The following AMBRA1 variants were observed in gnomAD, a reference collection of about 807,000 sequenced individuals.
The protein encoded by AMBRA1 is autophagy and beclin 1 regulator 1.
AMBRA1 carries 47 observed loss-of-function variants against 125.4 expected under a neutral mutation model. The observed-to-expected ratio is 0.37, with a 90% CI of 0.30 to 0.48. AMBRA1 has a LOEUF of 0.48. Among genes scored for constraint, AMBRA1 ranks in the 20% least tolerant of loss-of-function variants. The pLI is 0.99. For synonymous variants in AMBRA1, 626 were observed against 655.5 expected (o/e 0.95, Z 0.69); for missense variants, 1,331 against 1,693.4 (o/e 0.79, Z 3.76).
intron 12 of AMBRA1, among the ~76,000 whole-genome samples, chr11:46,441,126 C>T (rs964890635): frequency 6.6e-6 from 1 of 152,112 alleles, no homozygotes; most frequent in Admixed American, 6.6e-5. Flanking sequence ...AGGACTAAAA[C>T]AAAGTTCAAA....
At chr11:46,454,607 C>T (rs1470244339) in intron 11 of AMBRA1, among the ~76,000 whole-genome samples, 2 of 150,008 alleles carry the variant, frequency 1.3e-5, no homozygotes, top group South Asian at 2.1e-4. Flanking sequence ...AAAAATTCTC[C>T]GGGCGAGGTG....
intron 6 of AMBRA1, 88 bp from the exon 7 acceptor site, chr11:46,543,486 A>T: frequency 6.6e-7 from 1 of 1,510,804 alleles, no homozygotes; most frequent in South Asian, 1.2e-5. Context: ...AACCACTGAC[A>T]ATCATCCAAG....
At chr11:46,412,277 T>C (rs1047842113) in intron 15 of AMBRA1, among the ~76,000 whole-genome samples, 1 of 152,174 alleles carries the variant, frequency 6.6e-6, no homozygotes, top group African/African-American at 2.4e-5. Flanking sequence ...TAATACAATG[T>C]AAATTATGCA....
At chr11:46,401,589 G>A (rs1945762668) in intron 17 of AMBRA1, among the ~76,000 whole-genome samples, 1 of 152,158 alleles carries the variant, frequency 6.6e-6, no homozygotes, top group South Asian at 2.1e-4. Context: ...GGGCCCTATG[G>A]GTGCTGCTGC....
chr11:46,549,000 A>G lies in AMBRA1; in HGVS notation c.-120-500T>C, dbSNP rs1001037697. ...AGAGCAAGACTCCATCTCAAAAAAA[A>G]AAAGATTATTTAGGAGTACCTTTCT... On this transcript the variant is annotated intron_variant, in intron 1 of 17. Coordinates refer to ENST00000683756, the MANE Select transcript of AMBRA1 (RefSeq NM_001387011.1). The G allele has an allele frequency of 3.9e-5, 6 of 152,248 alleles. No homozygotes were observed. In the East Asian group the frequency reaches 1.2e-3, roughly 29 times the overall value. The allele number at this position is 152,248 out of a possible 1,614,324, so 9.4% of individuals were successfully genotyped here. A position where few individuals can be genotyped will look rare whatever the true frequency, so the allele number is the denominator to read the frequency against.
At chr11:46,449,130 A>T (rs566690906) in intron 11 of AMBRA1, among the ~76,000 whole-genome samples, 1 of 152,322 alleles carries the variant, frequency 6.6e-6, no homozygotes, top group South Asian at 2.1e-4. Context: ...ACCAGGAACA[A>T]GGCAAGGAAG....
intron 11 of AMBRA1, 123 bp downstream of exon 11, chr11:46,493,485 C>T: frequency 1.3e-6 from 1 of 777,112 alleles, no homozygotes; most frequent in Non-Finnish European, 2.0e-6. Flanking sequence ...AACCAGGACC[C>T]CAAAATAGAA....
chr11:46,412,959 C>A (rs1946367150), intron 15 of AMBRA1, among the ~76,000 whole-genome samples: 1 of 152,204 alleles, frequency 6.6e-6, no homozygotes, highest in South Asian at 2.1e-4. Context: ...GGTTGCAATA[C>A]CACATGGGTC....
intron 14 of AMBRA1, among the ~76,000 whole-genome samples, chr11:46,422,191 C>T (rs1258104129): frequency 1.3e-5 from 2 of 152,258 alleles, no homozygotes; most frequent in East Asian, 3.9e-4. Flanking sequence ...TCATGATTGA[C>T]GAGTCCTGGT....
At chr11:46,524,824 G>A (rs986239601) in intron 7 of AMBRA1, among the ~76,000 whole-genome samples, 1 of 152,216 alleles carries the variant, frequency 6.6e-6, no homozygotes, top group Admixed American at 6.5e-5. Context: ...TTGAAGAAGG[G>A]TGAATACTAT....
intron 11 of AMBRA1, among the ~76,000 whole-genome samples, chr11:46,488,031 T>C (rs769489448): frequency 7.9e-5 from 12 of 152,006 alleles, no homozygotes; most frequent in Admixed American, 3.9e-4. Flanking sequence ...TAAGAAAAAA[T>C]TGACTTTAAG....
At chr11:46,495,532 T>C (rs1436449091) in intron 9 of AMBRA1, 1 of 152,242 alleles carries the variant, frequency 6.6e-6, no homozygotes, top group Non-Finnish European at 1.5e-5. Flanking sequence ...TTCCTTAACA[T>C]ATCTTATTCC....
At chr11:46,497,333 G>T (rs1208923918) in intron 9 of AMBRA1, among the ~76,000 whole-genome samples, 2 of 152,118 alleles carry the variant, frequency 1.3e-5, no homozygotes, top group Non-Finnish European at 2.9e-5. Context: ...AATACACGCA[G>T]TCTCAGACTG....
intron 9 of AMBRA1, among the ~76,000 whole-genome samples, chr11:46,501,433 A>G (rs1000571484): frequency 2.0e-5 from 3 of 152,272 alleles, no homozygotes; most frequent in African/African-American, 7.2e-5. Flanking sequence ...AGCTGCCAGG[A>G]TAGGCTCCAG....
intron 7 of AMBRA1, among the ~76,000 whole-genome samples, chr11:46,525,956 A>G (rs1951951112): frequency 6.6e-6 from 1 of 151,814 alleles, no homozygotes; most frequent in Admixed American, 6.6e-5. Context: ...CTGTAATTTC[A>G]GCACTTTGGG....
At chr11:46,402,055 C>T (rs545020668) in intron 17 of AMBRA1, among the ~76,000 whole-genome samples, 1 of 152,322 alleles carries the variant, frequency 6.6e-6, no homozygotes, top group East Asian at 1.9e-4. Context: ...CTCGTCCCAT[C>T]TCCTCTGCCA....
chr11:46,529,219 T>C (rs184557151), intron 7 of AMBRA1, among the ~76,000 whole-genome samples: 1 of 152,342 alleles, frequency 6.6e-6, no homozygotes, highest in African/African-American at 2.4e-5. Flanking sequence ...CAAAAGAAGG[T>C]TGCTCTCATA....
intron 11 of AMBRA1, among the ~76,000 whole-genome samples, chr11:46,484,301 G>A (rs1172891045): frequency 6.6e-6 from 1 of 152,186 alleles, no homozygotes; most frequent in Non-Finnish European, 1.5e-5. Flanking sequence ...GTTCTGAGGG[G>A]TTGCAAAACA....
intron 1 of AMBRA1, among the ~76,000 whole-genome samples, chr11:46,549,963 C>T (rs1255367710): frequency 6.6e-6 from 1 of 152,084 alleles, no homozygotes; most frequent in African/African-American, 2.4e-5. Context: ...GGATTACAGG[C>T]ACCTGCCACC....
Sources: gnomAD v4.1 joint callset for allele counts (sites outside exome capture counted in the v4.1 genomes callset) on GRCh38, gnomAD v4.1.1 for gene constraint, MANE v1.5 for transcripts, NCBI Gene and HGNC (gene_info 2026-07-23, HGNC 2026-07-21) for gene names.